CNGB3: variants seen among roughly 807,000 people sequenced by gnomAD.
The protein encoded by CNGB3 is cyclic nucleotide gated channel subunit beta 3, also known as cyclic nucleotide-gated channel beta-3.
Under a neutral mutation model 92.8 loss-of-function variants are expected in CNGB3, and 86 were observed. The ratio of observed to expected loss-of-function variants is 0.93; its 90% confidence interval spans 0.78 to 1.11. The LOEUF is 1.11. CNGB3 is among the 50% of genes least tolerant of loss of function. The probability of loss-of-function intolerance (pLI) is 0.00; values close to 1 mark genes in which losing one functional copy is unlikely to be tolerated. For missense variants in CNGB3, 1,026 were observed against 956.8 expected, an observed-to-expected ratio of 1.07 and a Z score of -0.95; for synonymous variants, 333 against 332.7, an observed-to-expected ratio of 1.00 and a Z score of -0.01.
chr8:86,730,414 G>T (rs1293562919), intron 2 of CNGB3, among the ~76,000 whole-genome samples: 2 of 152,196 alleles, frequency 1.3e-5, no homozygotes, highest in African/African-American at 4.8e-5. Context: ...GCCTTCACTG[G>T]TTAGAATCTT....
intron 11 of CNGB3, among the ~76,000 whole-genome samples, chr8:86,629,472 C>A (rs756818010): frequency 1.2e-4 from 18 of 152,302 alleles, no homozygotes; most frequent in Admixed American, 7.2e-4. Flanking sequence ...AATTATACAG[C>A]TGTGCTTATG....
intron 7 of CNGB3, among the ~76,000 whole-genome samples, chr8:86,652,287 G>C (rs1330671796): frequency 6.6e-6 from 1 of 151,932 alleles, no homozygotes; most frequent in African/African-American, 2.4e-5. Flanking sequence ...ACTTGCTCTG[G>C]GTGAGTCAAT....
intron 7 of CNGB3, among the ~76,000 whole-genome samples, chr8:86,651,557 T>C (rs950668888): frequency 2.0e-5 from 3 of 151,834 alleles, no homozygotes; most frequent in African/African-American, 7.2e-5. Flanking sequence ...ACTGTTGACA[T>C]AGTGCTACCC....
At chr8:86,707,493 G>C (rs1824671736) in intron 3 of CNGB3, 2 of 152,588 alleles carry the variant, frequency 1.3e-5, no homozygotes, top group South Asian at 4.1e-4. Context: ...GGGGAAGACT[G>C]TTCCAGAGTG....
intron 3 of CNGB3, among the ~76,000 whole-genome samples, chr8:86,680,862 TTGTC>T (rs1426747261): frequency 1.3e-5 from 2 of 152,032 alleles, no homozygotes; most frequent in East Asian, 3.9e-4. Flanking sequence ...ATGGGGGACA[TTGTC>T]TGTAGGAAGT....
At chr8:86,735,852 G>A (rs921498064) in intron 2 of CNGB3, among the ~76,000 whole-genome samples, 8 of 152,054 alleles carry the variant, frequency 5.3e-5, no homozygotes, top group African/African-American at 1.9e-4. Context: ...CCATTAATTG[G>A]CTTACCACAC....
chr8:86,670,216 A>G (rs912815847), intron 4 of CNGB3, among the ~76,000 whole-genome samples: 4 of 152,036 alleles, frequency 2.6e-5, no homozygotes, highest in Admixed American at 6.6e-5. Flanking sequence ...CCCTTACTTG[A>G]TTGGTTTGTT....
chr8:86,699,202 T>C (rs922995271), intron 3 of CNGB3, among the ~76,000 whole-genome samples: 2 of 152,198 alleles, frequency 1.3e-5, no homozygotes, highest in Non-Finnish European at 2.9e-5. Flanking sequence ...AACCCCTTTT[T>C]TAAACTCCAT....
chr8:86,689,095 T>C (rs1490608195), intron 3 of CNGB3, among the ~76,000 whole-genome samples: 2 of 151,988 alleles, frequency 1.3e-5, no homozygotes, highest in African/African-American at 4.8e-5. Context: ...AGTTTCCTCT[T>C]GTTATTGATT....
intron 3 of CNGB3, among the ~76,000 whole-genome samples, chr8:86,679,568 C>T (rs59491566): frequency 0.012 from 1,846 of 151,770 alleles, 33 homozygotes; most frequent in African/African-American, 0.043. Context: ...CTCTGTCACC[C>T]AGGCTGGAGT....
chr8:86,609,704 A>T (rs144845895), intron 14 of CNGB3, among the ~76,000 whole-genome samples: 18 of 152,218 alleles, frequency 1.2e-4, no homozygotes, highest in African/African-American at 4.3e-4. Context: ...GCCTTGAAGT[A>T]CCTCATACTC....
At chr8:86,593,540 T>A (rs551858325) in intron 15 of CNGB3, among the ~76,000 whole-genome samples, 94 of 152,160 alleles carry the variant, frequency 6.2e-4, no homozygotes, top group African/African-American at 2.2e-3. Context: ...GTGAGCTAGG[T>A]GTTTTGTTTT....
At chr8:86,637,230 T>C (rs1235165279) in intron 10 of CNGB3, among the ~76,000 whole-genome samples, 1 of 152,182 alleles carries the variant, frequency 6.6e-6, no homozygotes, top group Non-Finnish European at 1.5e-5. Flanking sequence ...TCTTTCCTCA[T>C]TGCATATCCT....
intron 6 of CNGB3, among the ~76,000 whole-genome samples, chr8:86,664,714 T>C (rs1460014515): frequency 6.6e-6 from 1 of 152,082 alleles, no homozygotes; most frequent in Non-Finnish European, 1.5e-5. Flanking sequence ...TCATGAGAAA[T>C]AGGATGTGAT....
At chr8:86,580,192 G>GA (rs35544814) in intron 15 of CNGB3, among the ~76,000 whole-genome samples, 81,869 of 143,714 alleles carry the variant, frequency 0.57, 24,653 homozygotes, top group Middle Eastern at 0.68. Flanking sequence ...GAATAGCACG[G>GA]GGGGGGTGGC....
At chr8:86,666,149 A>T (rs576735957) in intron 6 of CNGB3, among the ~76,000 whole-genome samples, 1 of 152,352 alleles carries the variant, frequency 6.6e-6, no homozygotes, top group South Asian at 2.1e-4. Context: ...TCTTATTTTT[A>T]AAAGTATTGA....
chr8:86,701,631 A>C (rs961154724), intron 3 of CNGB3, among the ~76,000 whole-genome samples: 1 of 152,222 alleles, frequency 6.6e-6, no homozygotes, highest in Non-Finnish European at 1.5e-5. Context: ...ATTATTTTTA[A>C]AATTCTTTCC....
intron 3 of CNGB3, among the ~76,000 whole-genome samples, chr8:86,690,914 C>T (rs951111014): frequency 3.3e-5 from 5 of 152,116 alleles, no homozygotes; most frequent in African/African-American, 1.2e-4. Context: ...TTCCATTGAT[C>T]TATATCTCTG....
intron 11 of CNGB3, 77 bp from the exon 12 acceptor site, chr8:86,629,155 A>G: frequency 7.0e-7 from 1 of 1,437,666 alleles, no homozygotes; most frequent in East Asian, 2.3e-5. Context: ...TGTTTTCCAC[A>G]TGATATACTT....
Sources: gnomAD v4.1 joint callset for allele counts (sites outside exome capture counted in the v4.1 genomes callset) on GRCh38, gnomAD v4.1.1 for gene constraint, MANE v1.5 for transcripts, NCBI Gene and HGNC (gene_info 2026-07-23, HGNC 2026-07-21) for gene names.